TPRG1: variants seen among roughly 807,000 people sequenced by gnomAD.
TPRG1 encodes tumor protein p63 regulated 1, also known as tumor protein p63-regulated gene 1 protein.
TPRG1 carries 29 observed loss-of-function variants against 29.3 expected under a neutral mutation model. That is an observed-to-expected ratio of 0.99 (90% CI 0.74 to 1.35). The LOEUF (loss-of-function observed/expected upper bound fraction) is 1.35, where lower values mean the gene tolerates loss of function less well. Among genes scored for constraint, TPRG1 ranks in the 40% most tolerant of loss-of-function variants. TPRG1 has a pLI of 0.00. For synonymous variants in TPRG1, 130 were observed against 116.8 expected (o/e 1.11, Z -0.73); for missense variants, 327 against 335.0 (o/e 0.98, Z 0.19).
chr3:189,195,337 G>T (rs1578762083), intron 1 of TPRG1, among the ~76,000 whole-genome samples: 1 of 152,156 alleles, frequency 6.6e-6, no homozygotes, highest in South Asian at 2.1e-4. Context: ...GCAGAGTCCT[G>T]CTTCAGCTCT....
intron 4 of TPRG1, among the ~76,000 whole-genome samples, chr3:189,084,936 T>C (rs1172391293): frequency 6.6e-6 from 1 of 152,254 alleles, no homozygotes; most frequent in Non-Finnish European, 1.5e-5. Flanking sequence ...AAATAGTAGA[T>C]GCTTGATAAA....
At chr3:189,120,401 T>G (rs1721691892) in intron 1 of TPRG1, 1 of 152,210 alleles carries the variant, frequency 6.6e-6, no homozygotes, top group Admixed American at 6.5e-5. Context: ...AATGTCTTTG[T>G]TTCAATTAAT....
intron 2 of TPRG1, among the ~76,000 whole-genome samples, chr3:189,208,124 G>A (rs1238561795): frequency 2.6e-5 from 4 of 152,194 alleles, no homozygotes; most frequent in African/African-American, 9.7e-5. Flanking sequence ...CAATGGAGCT[G>A]GGAAAGTAAA....
chr3:189,144,156 A>T (rs1044776697), intron 3 of TPRG1, among the ~76,000 whole-genome samples: 1 of 152,158 alleles, frequency 6.6e-6, no homozygotes, highest in Non-Finnish European at 1.5e-5. Context: ...ACTATAACAA[A>T]TACTTCTTGA....
intron 4 of TPRG1, among the ~76,000 whole-genome samples, chr3:189,038,361 G>A (rs1418039684): frequency 6.6e-6 from 1 of 152,004 alleles, no homozygotes; most frequent in East Asian, 1.9e-4. Flanking sequence ...ATTGTATGAT[G>A]TCTTCATATA....
At chr3:189,305,512 C>A (rs1721488854) in intron 4 of TPRG1, among the ~76,000 whole-genome samples, 1 of 152,198 alleles carries the variant, frequency 6.6e-6, no homozygotes, top group Non-Finnish European at 1.5e-5. Context: ...ATAAAACTCA[C>A]CCCTTCAGCA....
chr3:189,046,818 A>G (rs1041403293), intron 4 of TPRG1, among the ~76,000 whole-genome samples: 4 of 152,206 alleles, frequency 2.6e-5, no homozygotes, highest in Non-Finnish European at 4.4e-5. Flanking sequence ...CTTAATGGCT[A>G]CTAGTCAGTT....
chr3:189,269,067 AAATAC>A (rs768818156), intron 4 of TPRG1, among the ~76,000 whole-genome samples: 64 of 152,148 alleles, frequency 4.2e-4, no homozygotes, highest in Non-Finnish European at 8.1e-4. Context: ...CTGTCTTTAG[AAATAC>A]AAGAGTTAAC....
chr3:189,201,434 AG>A (rs1733470549), intron 1 of TPRG1, among the ~76,000 whole-genome samples: 1 of 152,194 alleles, frequency 6.6e-6, no homozygotes, highest in Admixed American at 6.5e-5. Context: ...CTGGTGTTGC[AG>A]CTGGTCCGGT....
At chr3:189,227,149 C>CAA (rs58900755) in intron 3 of TPRG1, among the ~76,000 whole-genome samples, 56 of 140,826 alleles carry the variant, frequency 4.0e-4, no homozygotes, top group African/African-American at 1.2e-3. Flanking sequence ...CCTGTCTTCA[C>CAA]AAAAAAAAAA....
chr3:189,009,080 C>T (rs961404164), intron 3 of TPRG1, among the ~76,000 whole-genome samples: 7 of 152,032 alleles, frequency 4.6e-5, no homozygotes, highest in African/African-American at 1.7e-4. Context: ...TAATTGTTTA[C>T]CCCAGCACAG....
At position 189,321,998 on chromosome 3, in the gene TPRG1, T is replaced by C. The variant is rs778603426; in HGVS notation, c.*1178T>C. 4 of 152,134 alleles carry C rather than the reference T, an allele frequency of 2.6e-5. No homozygotes were observed. Among genetic ancestry groups the C allele is most frequent in the Non-Finnish European group, 4.4e-5 (3 of 68,010 alleles). 9.4% of individuals were successfully genotyped at this position (152,134 alleles called of 1,614,324 possible). ...TCTCTTCCCGACTTAGATCTAATTT[T>C]CAACAACCCAGGAAATTATCTCATA... On this transcript the variant is annotated 3_prime_UTR_variant, in exon 6 of 6. Coordinates refer to ENST00000345063, the MANE Select transcript of TPRG1 (RefSeq NM_198485.4).
chr3:189,265,422 A>G lies in TPRG1; in HGVS notation c.479+26513A>G, dbSNP rs562294745. ...TTCCGCTTCTACATGACAATCCTGT[A>G]AATTCTGTCTCTACAACTTAAATTT... On this transcript the variant is annotated intron_variant, in intron 4 of 5. Coordinates refer to ENST00000345063, the MANE Select transcript of TPRG1 (RefSeq NM_198485.4). Among the ~76,000 whole-genome samples the G allele has an allele frequency of 2.0e-4, 31 of 152,320 alleles. 1 individual carries two copies. The highest frequency in any genetic ancestry group is 3.4e-3 in the Middle Eastern group (1 of 294).
chr3:189,014,143 A>G (rs1033416885), intron 3 of TPRG1, among the ~76,000 whole-genome samples: 1 of 152,078 alleles, frequency 6.6e-6, no homozygotes, highest in African/African-American at 2.4e-5. Context: ...GGCTGCTAAT[A>G]GTTTTTCTTG....
chr3:189,138,594 G>A (rs1476979257), intron 3 of TPRG1, among the ~76,000 whole-genome samples: 16 of 152,102 alleles, frequency 1.1e-4, no homozygotes, highest in Non-Finnish European at 1.5e-5. Context: ...TGAGGATCAG[G>A]CACGCATAGG....
rs181071314 is a variant in TPRG1, at chr3:189,228,446, C to T, written c.303-10287C>T. ...CATCATAACCCAAAGTGGGTATATTCTAGGCATGCAAGGCAGGTTCAATTT... is the reference window on the plus strand; with the variant it reads ...CATCATAACCCAAAGTGGGTATATTTTAGGCATGCAAGGCAGGTTCAATTT... On this transcript the variant is annotated intron_variant, in intron 3 of 5. Coordinates refer to ENST00000345063, the MANE Select transcript of TPRG1 (RefSeq NM_198485.4). Among the ~76,000 whole-genome samples, 19 of 152,090 alleles carry T rather than the reference C, an allele frequency of 1.2e-4. No homozygotes were observed. The East Asian group carries it at 3.5e-3, about 28-fold the overall frequency.
intron 4 of TPRG1, among the ~76,000 whole-genome samples, chr3:189,032,264 G>A (rs954267807): frequency 3.4e-4 from 52 of 152,142 alleles, no homozygotes; most frequent in Non-Finnish European, 6.5e-4. Context: ...GGAAGAGGCC[G>A]TGACCTAAGG....
intron 5 of TPRG1, among the ~76,000 whole-genome samples, chr3:189,317,252 T>C (rs570464261): frequency 4.0e-4 from 61 of 152,312 alleles, no homozygotes; most frequent in Non-Finnish European, 6.2e-4. Context: ...ATTGTTGAGA[T>C]GAATTATACT....
At chr3:189,145,515 C>T (rs1578525362) in intron 3 of TPRG1, among the ~76,000 whole-genome samples, 1 of 152,118 alleles carries the variant, frequency 6.6e-6, no homozygotes, top group South Asian at 2.1e-4. Context: ...AGTGAAGTAA[C>T]ATTGAACAGA....
Sources: gnomAD v4.1 joint callset for allele counts (sites outside exome capture counted in the v4.1 genomes callset) on GRCh38, gnomAD v4.1.1 for gene constraint, MANE v1.5 for transcripts, NCBI Gene and HGNC (gene_info 2026-07-23, HGNC 2026-07-21) for gene names.